The following ZNF124 variants were observed in gnomAD, a reference collection of about 807,000 sequenced individuals.
ZNF124 encodes zinc finger protein 124.
A neutral mutation model predicts 26.6 loss-of-function variants in ZNF124; 25 were observed. The ratio of observed to expected loss-of-function variants is 0.94; its 90% CI spans 0.68 to 1.31. The LOEUF (loss-of-function observed/expected upper bound fraction) is 1.31, where lower values mean the gene tolerates loss of function less well. Among genes scored for constraint, ZNF124 ranks in the 40% most tolerant of loss-of-function variants. ZNF124 has a pLI of 0.00. For synonymous variants in ZNF124, 129 were observed against 133.3 expected, an observed-to-expected ratio of 0.97 and a Z score of 0.22; for missense variants, 444 against 422.2, an observed-to-expected ratio of 1.05 and a Z score of -0.45.
chr1:247,137,347 G>A (rs959651090), intron 3 of ZNF124, among the ~76,000 whole-genome samples: 3 of 149,228 alleles, frequency 2.0e-5, no homozygotes, highest in African/African-American at 7.4e-5. Flanking sequence ...AAAACCCTAG[G>A]AGAAAACCTA....
chr1:247,163,857 A>G (rs779507495), intron 1 of ZNF124, among the ~76,000 whole-genome samples: 2 of 152,332 alleles, frequency 1.3e-5, no homozygotes, highest in Non-Finnish European at 2.9e-5. Context: ...CTTCAGGCCA[A>G]TATCCTTGAT....
intron 3 of ZNF124, among the ~76,000 whole-genome samples, chr1:247,125,123 A>C (rs1672176849): frequency 6.6e-6 from 1 of 152,142 alleles, no homozygotes; most frequent in Admixed American, 6.5e-5. Flanking sequence ...CTTATGGGTG[A>C]ATAAGATTTC....
chr1:247,153,277 T>G (rs1297958825), downstream of ZNF124, among the ~76,000 whole-genome samples: 1 of 152,218 alleles, frequency 6.6e-6, no homozygotes, highest in Non-Finnish European at 1.5e-5. Context: ...TGCAATGTAT[T>G]CATCACTGTT....
chr1:247,158,172 C>T (rs1393755310), intron 3 of ZNF124, among the ~76,000 whole-genome samples: 7 of 152,136 alleles, frequency 4.6e-5, no homozygotes, highest in Non-Finnish European at 1.0e-4. Context: ...ATCACTTGAA[C>T]CCGGGAGGCG....
At position 247,155,609 on chromosome 1, in the gene ZNF124, C is replaced by A. The variant is rs1252032316; in HGVS notation, c.*957G>T. Reference sequence around the variant, plus strand: ...GGGCGTGGTGGCTCACGCCTGTAATCCCAGCACTTTGGGAGGCTGAAGCGG... The same window carrying A: ...GGGCGTGGTGGCTCACGCCTGTAATACCAGCACTTTGGGAGGCTGAAGCGG... On this transcript the variant is annotated 3_prime_UTR_variant, in exon 4 of 4. Coordinates refer to ENST00000543802, the MANE Select transcript of ZNF124 (RefSeq NM_001297568.2). Among the ~76,000 whole-genome samples the A allele has an allele frequency of 6.6e-6, 1 of 152,114 alleles. No individual in the cohort carries two copies. Among genetic ancestry groups the A allele is most frequent in the African/African-American group, 2.4e-5 (1 of 41,440 alleles).
chr1:247,152,975 T>C (rs567279881), downstream of ZNF124, among the ~76,000 whole-genome samples: 2 of 152,008 alleles, frequency 1.3e-5, no homozygotes, highest in East Asian at 1.9e-4. Flanking sequence ...CTACTAAAAA[T>C]ACAAAAAATT....
rs1300848532 is a variant in ZNF124, at chr1:247,155,985, ATC to A, written c.*579_*580del. The A allele has an allele frequency of 1.1e-6, 1 of 940,672 alleles. No individual in the cohort carries two copies. The highest frequency in any genetic ancestry group is 1.8e-5 in the African/African-American group (1 of 56,144). The allele number at this position is 940,672 out of a possible 1,614,324, so 58.3% of individuals were successfully genotyped here. ...TCAATTTATTTATAGCTCCTAAAAC[ATC>A]TCATTCACATAGTGAATTTTCTTGA... On this transcript the variant is annotated 3_prime_UTR_variant, in exon 4 of 4. Transcript: ENST00000543802.
chr1:247,135,055 CA>C (rs1401156354), intron 3 of ZNF124, among the ~76,000 whole-genome samples: 1 of 152,038 alleles, frequency 6.6e-6, no homozygotes, highest in Non-Finnish European at 1.5e-5. Context: ...CCAATGAGAA[CA>C]AAGAGACAAT....
intron 1 of ZNF124, among the ~76,000 whole-genome samples, chr1:247,167,326 G>A (rs1673836212): frequency 6.6e-6 from 1 of 151,336 alleles, no homozygotes; most frequent in Admixed American, 6.6e-5. Context: ...TAGCATTAAT[G>A]TGCCAAATGC....
chr1:247,134,576 C>T (rs1672441381), intron 3 of ZNF124, among the ~76,000 whole-genome samples: 2 of 152,154 alleles, frequency 1.3e-5, no homozygotes, highest in Non-Finnish European at 2.9e-5. Flanking sequence ...TATATATGCA[C>T]CCAATACAGG....
chr1:247,142,660 T>C (rs1458666441), intron 3 of ZNF124, among the ~76,000 whole-genome samples: 1 of 152,192 alleles, frequency 6.6e-6, no homozygotes, highest in Non-Finnish European at 1.5e-5. Flanking sequence ...GAAATCACCA[T>C]GCCATTGTTT....
intron 1 of ZNF124, among the ~76,000 whole-genome samples, chr1:247,160,151 A>C (rs901603533): frequency 4.6e-5 from 7 of 151,982 alleles, no homozygotes; most frequent in Non-Finnish European, 8.8e-5. Flanking sequence ...ACGCCCAGCT[A>C]ATTTTTGTAT....
rs553129520 is a variant in ZNF124 at position 247,141,859 on chromosome 1, G to C, written c.218+17147C>G. ...GCCTGGTGACCTCTATGGTAAGTCT[G>C]AGGCCATTTATCAAGACCTAGTTCA... On this transcript the variant is annotated intron_variant, in intron 3 of 3. Coordinates refer to the ZNF124 transcript ENST00000472531. 3.3e-5 allele frequency among the ~76,000 whole-genome samples: 5 copies of C among 152,346 alleles called. No homozygotes were observed. In the South Asian group the frequency reaches 6.2e-4, roughly 19 times the overall value.
rs778126809 is a variant in ZNF124 at position 247,156,733 on chromosome 1, T to C, written c.889A>G (p.Lys297Glu). 4.3e-6 allele frequency: 7 copies of C among 1,613,210 alleles called. No individual in the cohort carries two copies. In the Admixed American group the frequency reaches 1.0e-4, roughly 23 times the overall value. Residue 297 changes from lysine to glutamate, a missense_variant, in exon 4 of 4, where the codon AAA becomes GAA. Physicochemically the swap from Lys to Glu is moderately conservative, Grantham distance 56. Transcript: ENST00000543802. Reference protein sequence around the residue: ...QKPYVCNNCGKGFRCSSSLRD... With the variant: ...QKPYVCNNCGEGFRCSSSLRD... ...AGGGAACTGGAACATCTGAAGCCTT[T>C]ACCACAATTGTTACATACATAGGGT... is the stretch of plus-strand genomic sequence containing the variant.
upstream of ZNF124, chr1:247,172,133 C>T (rs1459522157): frequency 1.7e-5 from 2 of 120,000 alleles, no homozygotes; most frequent in African/African-American, 6.6e-5. Context: ...CTCTTAGTGA[C>T]AGGTGACAGC....
intron 1 of ZNF124, among the ~76,000 whole-genome samples, chr1:247,170,717 T>C (rs947283483): frequency 7.0e-6 from 1 of 142,862 alleles, no homozygotes; most frequent in African/African-American, 2.9e-5. Flanking sequence ...TCGTGATCGA[T>C]TGACCAAGCA....
intron 3 of ZNF124, among the ~76,000 whole-genome samples, chr1:247,145,831 G>T (rs1325899756): frequency 6.6e-6 from 1 of 151,970 alleles, no homozygotes; most frequent in Non-Finnish European, 1.5e-5. Flanking sequence ...GTTTCACCAT[G>T]TTGGCCAACT....
chr1:247,166,114 G>C (rs1490692496), intron 1 of ZNF124, among the ~76,000 whole-genome samples: 1 of 152,234 alleles, frequency 6.6e-6, no homozygotes, highest in African/African-American at 2.4e-5. Context: ...AGGAGGCAGA[G>C]GCTGCAGTAA....
At chr1:247,135,244 C>A (rs1460488404) in intron 3 of ZNF124, among the ~76,000 whole-genome samples, 4 of 151,856 alleles carry the variant, frequency 2.6e-5, no homozygotes, top group Non-Finnish European at 5.9e-5. Flanking sequence ...CCAAAAAAAT[C>A]AACAAACCCA....
Sources: gnomAD v4.1 joint callset for allele counts (sites outside exome capture counted in the v4.1 genomes callset) on GRCh38, gnomAD v4.1.1 for gene constraint, MANE v1.5 for transcripts, NCBI Gene and HGNC (gene_info 2026-07-23, HGNC 2026-07-21) for gene names.